CAST: variants seen among roughly 807,000 people sequenced by gnomAD.
CAST encodes calpastatin.
Under a neutral mutation model 119.6 loss-of-function variants are expected in CAST, and 76 were observed. The ratio of observed to expected loss-of-function variants is 0.64; its 90% confidence interval spans 0.53 to 0.77. The LOEUF is 0.77. Ranked by LOEUF, CAST falls within the 30% of genes least tolerant of loss-of-function variation. CAST has a pLI of 0.00. For synonymous variants in CAST, 319 were observed against 331.6 expected (o/e 0.96, Z 0.41); for missense variants, 953 against 946.5 (o/e 1.01, Z -0.09).
At chr5:96,049,889 C>CAAAAAAAAAAAAAAAAAAAAAAAAAAAA in the CAST span, among the ~76,000 whole-genome samples, 5 of 34,190 alleles carry the variant, frequency 1.5e-4, no homozygotes, top group Non-Finnish European at 1.6e-4. Context: ...GAACAGGAGG[C>CAAAAAAAAAAAAAAAAAAAAAAAAAAAA]AAAAAAAAAA....
the CAST span, among the ~76,000 whole-genome samples, chr5:96,106,307 G>A: frequency 2.0e-5 from 3 of 152,064 alleles, no homozygotes; most frequent in South Asian, 2.1e-4. Context: ...TCTTTTAATC[G>A]TGATGTTAGG....
chr5:96,379,998 C>T, the CAST span, among the ~76,000 whole-genome samples: 1 of 152,096 alleles, frequency 6.6e-6, no homozygotes, highest in Non-Finnish European at 1.5e-5. Flanking sequence ...TTGGTTTTAA[C>T]CTGTATCACA....
At chr5:96,082,939 G>T in the CAST span, among the ~76,000 whole-genome samples, 1 of 152,090 alleles carries the variant, frequency 6.6e-6, no homozygotes, top group African/African-American at 2.4e-5. Flanking sequence ...AATTCACCCT[G>T]ATTTTAGAAA....
chr5:96,543,508 T>G (rs1234287365), intron 1 of CAST, among the ~76,000 whole-genome samples: 3 of 152,176 alleles, frequency 2.0e-5, no homozygotes, highest in Non-Finnish European at 4.4e-5. Context: ...GTAACGAACC[T>G]GCACATTCTG....
At chr5:96,547,677 A>T (rs1418125886) in intron 1 of CAST, among the ~76,000 whole-genome samples, 1 of 152,216 alleles carries the variant, frequency 6.6e-6, no homozygotes, top group Non-Finnish European at 1.5e-5. Context: ...TTAAACTGCA[A>T]TTGGAGTCAC....
chr5:96,718,640 A>T (rs915188112), intron 3 of CAST, among the ~76,000 whole-genome samples: 9 of 152,188 alleles, frequency 5.9e-5, no homozygotes, highest in African/African-American at 2.2e-4. Context: ...CAGGGCTCCT[A>T]AAGCCACAGC....
intron 3 of CAST, among the ~76,000 whole-genome samples, chr5:96,721,674 T>C (rs1300950956): frequency 2.0e-5 from 3 of 152,214 alleles, no homozygotes; most frequent in African/African-American, 7.2e-5. Context: ...TAATGGACTT[T>C]AAGTGTTAAG....
At chr5:96,263,628 C>T in the CAST span, among the ~76,000 whole-genome samples, 71 of 145,524 alleles carry the variant, frequency 4.9e-4, no homozygotes, top group South Asian at 1.1e-3. Context: ...GAGAGAGAGA[C>T]TTGGTTGACC....
chr5:95,983,092 G>T, the CAST span, among the ~76,000 whole-genome samples: 1 of 152,168 alleles, frequency 6.6e-6, no homozygotes, highest in Admixed American at 6.5e-5. Flanking sequence ...CATATGGTAT[G>T]GTTCTATTTA....
At chr5:96,429,599 C>T in the CAST span, among the ~76,000 whole-genome samples, 2 of 152,266 alleles carry the variant, frequency 1.3e-5, no homozygotes, top group Admixed American at 1.3e-4. Flanking sequence ...GATCCCTTCT[C>T]TTCTCCCACC....
the CAST span, among the ~76,000 whole-genome samples, chr5:95,969,853 A>G: frequency 6.6e-6 from 1 of 152,200 alleles, no homozygotes; most frequent in Admixed American, 6.5e-5. Flanking sequence ...GAGTCAACCT[A>G]TTGAGTAATA....
intron 1 of CAST, among the ~76,000 whole-genome samples, chr5:96,578,097 T>C (rs261243): frequency 0.82 from 125,061 of 152,000 alleles, 51,563 homozygotes; most frequent in East Asian, 0.95. Flanking sequence ...GTTCTTGCCA[T>C]GTGTATTTTG....
chr5:96,757,642 T>C lies in CAST; in HGVS notation c.1821T>C (p.Asn607=), dbSNP rs780306645. ...CTGAGGACTTCTCTGGTCCACAAAA[T>C]GCTTCATCTCTTGTAAGTCCAAAAC... ...ALSEDFSGPQ[N]ASSLKFEDAK... is the part of the protein sequence containing the mutation. Residue 607 remains asparagine, a synonymous_variant, in exon 24 of 32, where the codon AAT becomes AAC. Transcript: ENST00000675179. The C allele has an allele frequency of 3.7e-6, 6 of 1,611,172 alleles. No individual in the cohort carries two copies. In the Admixed American group the frequency reaches 1.0e-4, roughly 27 times the overall value.
chr5:96,213,402 C>G, the CAST span: 1 of 151,942 alleles, frequency 6.6e-6, no homozygotes, highest in Non-Finnish European at 1.5e-5. Context: ...ATACTTTTAT[C>G]CATATAATTT....
At chr5:96,609,810 GC>G (rs1167848599) in intron 1 of CAST, among the ~76,000 whole-genome samples, 1 of 149,264 alleles carries the variant, frequency 6.7e-6, no homozygotes, top group Non-Finnish European at 1.5e-5. Context: ...AAGGGAAAAT[GC>G]TTTTCCCTTT....
chr5:96,175,180 T>A, the CAST span, among the ~76,000 whole-genome samples: 1 of 152,222 alleles, frequency 6.6e-6, no homozygotes, highest in Non-Finnish European at 1.5e-5. Flanking sequence ...TACATGCAAT[T>A]AAATGAAGTC....
the CAST span, among the ~76,000 whole-genome samples, chr5:96,149,676 C>T: frequency 6.6e-6 from 1 of 152,238 alleles, no homozygotes; most frequent in East Asian, 1.9e-4. Context: ...AGTTTCACAT[C>T]CTGCAAAAAA....
At chr5:96,761,559 A>G (rs17086650) in intron 24 of CAST, 255 of 152,414 alleles carry the variant, frequency 1.7e-3, no homozygotes, top group African/African-American at 6.0e-3. Context: ...AAAATAAGCT[A>G]TCCATAGTTG....
At chr5:96,229,602 T>C in the CAST span, among the ~76,000 whole-genome samples, 1 of 152,132 alleles carries the variant, frequency 6.6e-6, no homozygotes, top group African/African-American at 2.4e-5. Flanking sequence ...TTAGAGTGAA[T>C]TCTAAATTTA....
Sources: gnomAD v4.1 joint callset for allele counts (sites outside exome capture counted in the v4.1 genomes callset) on GRCh38, gnomAD v4.1.1 for gene constraint, MANE v1.5 for transcripts, NCBI Gene and HGNC (gene_info 2026-07-23, HGNC 2026-07-21) for gene names.